PPIL3: variants seen among roughly 807,000 people sequenced by gnomAD.
PPIL3 encodes peptidyl-prolyl cis-trans isomerase-like 3.
In PPIL3, 13 loss-of-function variants were observed where a neutral mutation model predicts 20.9. The ratio of observed to expected loss-of-function variants is 0.62; its 90% confidence interval spans 0.40 to 0.99. PPIL3 has a LOEUF of 0.99. Among genes scored for constraint, PPIL3 ranks in the 50% least tolerant of loss-of-function variants. PPIL3 has a pLI of 0.00. For synonymous variants in PPIL3, 71 were observed against 64.4 expected (o/e 1.10, Z -0.49); for missense variants, 170 against 195.2 (o/e 0.87, Z 0.77).
At position 200,876,906 on chromosome 2, in the gene PPIL3, C is replaced by T; in HGVS notation, c.359+13G>A. ...TTGAAATGCTAAAAGAAAACCATAA[C>T]CAGAATACTCACTTTCCAAATACGG... On this transcript the variant is annotated intron_variant, in intron 6 of 6. Coordinates refer to ENST00000392283, the MANE Select transcript of PPIL3 (RefSeq NM_130906.3). The T allele has an allele frequency of 1.3e-6, 2 of 1,552,818 alleles. No homozygotes were observed. The highest frequency in any genetic ancestry group is 8.9e-7 in the Non-Finnish European group (1 of 1,124,474).
chr2:200,873,097 A>G (rs1575092190), intron 6 of PPIL3, among the ~76,000 whole-genome samples: 1 of 151,450 alleles, frequency 6.6e-6, no homozygotes, highest in Non-Finnish European at 1.5e-5. Context: ...GTCTGGCCTG[A>G]CCTCAGGTGA....
At chr2:200,876,234 C>T (rs2039509612) in intron 6 of PPIL3, among the ~76,000 whole-genome samples, 1 of 151,128 alleles carries the variant, frequency 6.6e-6, no homozygotes, top group Admixed American at 6.6e-5. Flanking sequence ...CACTTGAGAC[C>T]AGGAGGTTGA....
chr2:200,874,294 C>T (rs966530980), intron 6 of PPIL3, among the ~76,000 whole-genome samples: 2 of 151,682 alleles, frequency 1.3e-5, no homozygotes, highest in Non-Finnish European at 1.5e-5. Context: ...TTTGATTTTA[C>T]CCCTAAATAT....
rs374819411 is a variant in PPIL3 at position 200,881,354 on chromosome 2, C to T, written c.240+67G>A. The T allele has an allele frequency of 5.9e-6, 7 of 1,190,076 alleles. No individual in the cohort carries two copies. The South Asian group carries it at 6.6e-5, about 11-fold the overall frequency. The allele number at this position is 1,190,076 out of a possible 1,614,324, so 73.7% of individuals were successfully genotyped here. A position where few individuals can be genotyped will look rare whatever the true frequency, so the allele number is the denominator to read the frequency against. ...GATGTTAACTTGTATCACTATGACA[C>T]ATGTATCAAAGTTTCCATGCATAAC... On this transcript the variant is annotated intron_variant, in intron 5 of 6. Transcript: ENST00000392283.
chr2:200,881,338 T>G, intron 5 of PPIL3, 83 bp downstream of exon 5: 1 of 1,012,246 alleles, frequency 9.9e-7, no homozygotes, highest in African/African-American at 1.6e-5. Flanking sequence ...TGATGTTAAC[T>G]TGTATCACTA....
chr2:200,876,890 T>C, intron 6 of PPIL3, 29 bp downstream of exon 6: 3 of 1,498,236 alleles, frequency 2.0e-6, no homozygotes, highest in Non-Finnish European at 2.8e-6. Flanking sequence ...ATTGAAATGC[T>C]AAAAGAAAAC....
intron 3 of PPIL3, among the ~76,000 whole-genome samples, chr2:200,882,850 A>C (rs1345067182): frequency 1.3e-5 from 2 of 150,668 alleles, no homozygotes. Context: ...CAGTGAGCCG[A>C]GATCGCACCA....
intron 2 of PPIL3, chr2:200,886,775 G>A (rs2039951650): frequency 6.6e-6 from 1 of 152,092 alleles, no homozygotes; most frequent in Non-Finnish European, 1.5e-5. Context: ...GGAGAAGCAG[G>A]GCACTATTCT....
chr2:200,883,654 C>T (rs1206235859), intron 3 of PPIL3, among the ~76,000 whole-genome samples: 1 of 151,912 alleles, frequency 6.6e-6, no homozygotes, highest in African/African-American at 2.4e-5. Flanking sequence ...AATTTTCCTG[C>T]CCTGCTTATT....
intron 6 of PPIL3, among the ~76,000 whole-genome samples, chr2:200,872,926 G>A (rs2039367643): frequency 6.6e-6 from 1 of 150,908 alleles, no homozygotes; most frequent in African/African-American, 2.4e-5. Flanking sequence ...AGACTGGAGT[G>A]CAATGGTGTG....
At position 200,881,694 on chromosome 2, in the gene PPIL3, A is replaced by G. The variant is rs950205668; in HGVS notation, c.173-206T>C. 59 of 529,264 alleles carry G rather than the reference A, an allele frequency of 1.1e-4. 1 individual carries two copies. In the South Asian group the frequency reaches 1.5e-3, roughly 14 times the overall value. 32.8% of individuals were successfully genotyped at this position (529,264 alleles called of 1,614,324 possible). ...AAAACAAAAAAGAATAACCCTCCTTATAAATATTGTTCATATATATTTAAG... is the reference window on the plus strand; with the variant it reads ...AAAACAAAAAAGAATAACCCTCCTTGTAAATATTGTTCATATATATTTAAG... On this transcript the variant is annotated intron_variant, in intron 4 of 6. Transcript: ENST00000392283.
intron 1 of PPIL3, 86 bp downstream of exon 1, chr2:200,888,870 T>A (rs2040085904): frequency 2.2e-6 from 1 of 464,028 alleles, no homozygotes; most frequent in Non-Finnish European, 4.5e-6. Context: ...TCACTCGCAG[T>A]ATCCCAAGAA....
chr2:200,871,437 G>A lies in PPIL3; in HGVS notation c.444C>T (p.His148=), dbSNP rs1559333088. 1.2e-6 allele frequency: 2 copies of A among 1,611,170 alleles called. No individual in the cohort carries two copies. The change falls in exon 7 of 7, where the codon CAC becomes CAT. Residue 148 remains histidine, a synonymous_variant. Coordinates refer to ENST00000392283, the MANE Select transcript of PPIL3 (RefSeq NM_130906.3). The part of the protein sequence containing the change: ...EKTYRPLNDV[H]IKDITIHANP... ...TGGCATGAATAGTTATGTCCTTAAT[G>A]TGTACATCATTAAGAGGTCGGTATG...
rs1046102368 is a variant in PPIL3, at chr2:200,877,093, A to T, written c.241-56T>A. The T allele has an allele frequency of 3.7e-5, 43 of 1,161,158 alleles. 2 individuals are homozygous for T. The East Asian group carries it at 9.7e-4, about 26-fold the overall frequency. The allele number at this position is 1,161,158 out of a possible 1,614,324, so 71.9% of individuals were successfully genotyped here. ...GTTTTTATATAACCATCCCAAATATAGTATTGAAACAAGACAGGCACACCT... is the reference window on the plus strand; with the variant it reads ...GTTTTTATATAACCATCCCAAATATTGTATTGAAACAAGACAGGCACACCT... On this transcript the variant is annotated intron_variant, in intron 5 of 6. Coordinates refer to ENST00000392283, the MANE Select transcript of PPIL3 (RefSeq NM_130906.3).
At chr2:200,884,562 A>G (rs1267087784) in intron 3 of PPIL3, among the ~76,000 whole-genome samples, 1 of 151,712 alleles carries the variant, frequency 6.6e-6, no homozygotes, top group Non-Finnish European at 1.5e-5. Context: ...ACATAGTGAG[A>G]TCTCGTCTCC....
At chr2:200,889,141 C>G, upstream of PPIL3, 1 of 432,984 alleles carries the variant, frequency 2.3e-6, no homozygotes, top group Non-Finnish European at 4.7e-6. Context: ...CTTCCTATCT[C>G]AAACCAAAAC....
intron 4 of PPIL3, chr2:200,881,826 T>C (rs1053613310): frequency 4.1e-5 from 11 of 269,332 alleles, no homozygotes; most frequent in Non-Finnish European, 5.6e-5. Context: ...GAGCACAATA[T>C]TGTTCACATT....
At chr2:200,881,292 G>A (rs995877388) in intron 5 of PPIL3, 129 bp downstream of exon 5, 9 of 689,894 alleles carry the variant, frequency 1.3e-5, no homozygotes, top group Non-Finnish European at 2.1e-5. Context: ...TTTGTCAAAT[G>A]TACAAAAACT....
Position 200,889,045 on chromosome 2 carries a change from T to A in PPIL3, c.-160A>T, listed in dbSNP as rs989766684. 1 of 471,102 alleles carries A rather than the reference T, an allele frequency of 2.1e-6. No individual in the cohort carries two copies. Among genetic ancestry groups the A allele is most frequent in the Non-Finnish European group, 4.4e-6 (1 of 227,040 alleles). 29.2% of individuals were successfully genotyped at this position (471,102 alleles called of 1,614,324 possible). ...CAGCAGAGGTCTGTTGGTTCAAAAT[T>A]ATAGTTTCTTTGGGCCAGCGGAAGT... On this transcript the variant is annotated 5_prime_UTR_variant, in exon 1 of 7. Transcript: ENST00000392283.
Sources: gnomAD v4.1 joint callset for allele counts (sites outside exome capture counted in the v4.1 genomes callset) on GRCh38, gnomAD v4.1.1 for gene constraint, MANE v1.5 for transcripts, NCBI Gene and HGNC (gene_info 2026-07-23, HGNC 2026-07-21) for gene names.